The following CNTN5 variants were observed in gnomAD, a reference collection of about 807,000 sequenced individuals.
The protein encoded by CNTN5 is contactin-5.
A neutral mutation model predicts 129.1 loss-of-function variants in CNTN5; 77 were observed. That is an observed-to-expected ratio of 0.60 (90% CI 0.50 to 0.72). CNTN5 has a LOEUF of 0.72. CNTN5 is among the 30% of genes least tolerant of loss of function. The pLI is 0.00. For missense variants in CNTN5, 1,478 were observed against 1,328.8 expected (o/e 1.11, Z -1.75); for synonymous variants, 509 against 465.6 (o/e 1.09, Z -1.20).
At chr11:99,793,408 C>CT (rs754601218) in intron 3 of CNTN5, among the ~76,000 whole-genome samples, 1 of 151,370 alleles carries the variant, frequency 6.6e-6, no homozygotes, top group Admixed American at 6.6e-5. Flanking sequence ...TATTAATCTT[C>CT]TGTATGGTTT....
chr11:100,144,785 T>G (rs1946797815), intron 13 of CNTN5, among the ~76,000 whole-genome samples: 1 of 151,730 alleles, frequency 6.6e-6, no homozygotes, highest in African/African-American at 2.4e-5. Flanking sequence ...TAAGGGAACA[T>G]TATTCTTGTA....
intron 13 of CNTN5, among the ~76,000 whole-genome samples, chr11:100,166,082 G>C (rs927743884): frequency 6.6e-6 from 1 of 151,672 alleles, no homozygotes; most frequent in Non-Finnish European, 1.5e-5. Flanking sequence ...TCTGTTACCA[G>C]AAGCAAATCA....
At chr11:100,084,927 A>G (rs185912011) in intron 13 of CNTN5, among the ~76,000 whole-genome samples, 115 of 152,260 alleles carry the variant, frequency 7.6e-4, no homozygotes, top group African/African-American at 2.4e-3. Context: ...AACCGACAGT[A>G]GACAGATTAA....
chr11:99,632,899 G>GC (rs1203618655), intron 3 of CNTN5, among the ~76,000 whole-genome samples: 1 of 151,762 alleles, frequency 6.6e-6, no homozygotes, highest in East Asian at 1.9e-4. Flanking sequence ...TTCTTGGGGG[G>GC]GTTACAAAAA....
intron 13 of CNTN5, among the ~76,000 whole-genome samples, chr11:100,163,566 A>G (rs1947526823): frequency 1.3e-5 from 2 of 151,838 alleles, no homozygotes; most frequent in Admixed American, 6.6e-5. Flanking sequence ...AACTTCCTAC[A>G]TTATTGCTTT....
intron 1 of CNTN5, among the ~76,000 whole-genome samples, chr11:99,209,739 G>A (rs935033735): frequency 6.6e-6 from 1 of 152,076 alleles, no homozygotes; most frequent in Non-Finnish European, 1.5e-5. Context: ...GACAGTAAAT[G>A]AATAGACAGT....
At chr11:99,922,876 A>T (rs539520271) in intron 7 of CNTN5, among the ~76,000 whole-genome samples, 27 of 152,308 alleles carry the variant, frequency 1.8e-4, no homozygotes, top group African/African-American at 6.5e-4. Flanking sequence ...TGAGTTTTGC[A>T]AGGTTTTAGA....
chr11:99,191,352 G>A (rs1459857385), intron 1 of CNTN5, among the ~76,000 whole-genome samples: 1 of 151,676 alleles, frequency 6.6e-6, no homozygotes, highest in Admixed American at 6.6e-5. Context: ...CTGGTAAAAT[G>A]AGTTTGGAAA....
chr11:100,129,357 T>C lies in CNTN5; in HGVS notation c.1580+55063T>C, dbSNP rs1946301288. Among the ~76,000 whole-genome samples the C allele has an allele frequency of 2.6e-5, 4 of 152,164 alleles. No individual in the cohort carries two copies. The South Asian group carries it at 8.3e-4, about 32-fold the overall frequency. Reference sequence around the variant, plus strand: ...GTAGATTTGTCTTAATCTTGACCAATGGGCCAGTAAACGCCCCAGTCCATA... The same window carrying C: ...GTAGATTTGTCTTAATCTTGACCAACGGGCCAGTAAACGCCCCAGTCCATA... On this transcript the variant is annotated intron_variant, in intron 13 of 24. Transcript: ENST00000524871.
intron 3 of CNTN5, among the ~76,000 whole-genome samples, chr11:99,792,538 G>GGGGTGTGT (rs1005923299): frequency 7.8e-6 from 1 of 127,748 alleles, no homozygotes. Context: ...CCTGAAGAGG[G>GGGGTGTGT]GTGTGTGTGT....
chr11:99,122,524 T>G (rs1205862031), intron 1 of CNTN5, among the ~76,000 whole-genome samples: 1 of 152,022 alleles, frequency 6.6e-6, no homozygotes, highest in Non-Finnish European at 1.5e-5. Context: ...TTTTTTTATA[T>G]AGCAGCAGCA....
intron 2 of CNTN5, among the ~76,000 whole-genome samples, chr11:99,412,595 T>C (rs1371132163): frequency 6.6e-6 from 1 of 152,220 alleles, no homozygotes; most frequent in Non-Finnish European, 1.5e-5. Context: ...TTATTACACA[T>C]AATCTTCACA....
chr11:100,082,509 C>G (rs977315546), intron 13 of CNTN5, among the ~76,000 whole-genome samples: 1 of 152,090 alleles, frequency 6.6e-6, no homozygotes, highest in Non-Finnish European at 1.5e-5. Context: ...CCAAGCTTGT[C>G]TTGAATTCAT....
In CNTN5 at chr11:100,070,133, G is replaced by A. The variant is rs1394740275; in HGVS notation, c.1163-291G>A. Among the ~76,000 whole-genome samples the A allele has an allele frequency of 2.7e-5, 4 of 149,058 alleles. No individual in the cohort carries two copies. The Admixed American group carries it at 2.7e-4, about 10-fold the overall frequency. Reference sequence around the variant, plus strand: ...CTGACTTCCTATTAAACTGGTTCAGGTGCCTTGGGGATAACTAAACCACTT... The same window carrying A: ...CTGACTTCCTATTAAACTGGTTCAGATGCCTTGGGGATAACTAAACCACTT... On this transcript the variant is annotated intron_variant, in intron 10 of 24. Transcript: ENST00000524871.
chr11:99,860,957 T>TA (rs1298313256), intron 6 of CNTN5, among the ~76,000 whole-genome samples: 1 of 133,708 alleles, frequency 7.5e-6, no homozygotes, highest in Non-Finnish European at 1.6e-5. Flanking sequence ...TTCATTTTTT[T>TA]TTTTTTTTTT....
At chr11:100,063,706 T>TAAAAAAAAAAAAAAAAAAAAAAAAAAAA (rs35896237) in intron 10 of CNTN5, among the ~76,000 whole-genome samples, 1 of 115,284 alleles carries the variant, frequency 8.7e-6, no homozygotes. Context: ...AACCTGTCTC[T>TAAAAAAAAAAAAAAAAAAAAAAAAAAAA]AAAAAAAAAA....
At chr11:100,051,431 A>G (rs1248274134) in intron 9 of CNTN5, among the ~76,000 whole-genome samples, 2 of 152,060 alleles carry the variant, frequency 1.3e-5, no homozygotes, top group Admixed American at 6.6e-5. Flanking sequence ...GAAAGTAGAA[A>G]ATATTTTTAA....
chr11:99,758,394 A>G (rs1001104915), intron 3 of CNTN5, among the ~76,000 whole-genome samples: 9 of 152,238 alleles, frequency 5.9e-5, no homozygotes, highest in Admixed American at 2.0e-4. Context: ...AGACTAACGT[A>G]TAACATATAA....
intron 1 of CNTN5, among the ~76,000 whole-genome samples, chr11:99,096,475 A>G (rs1243600567): frequency 2.0e-5 from 3 of 151,868 alleles, no homozygotes; most frequent in Non-Finnish European, 4.4e-5. Flanking sequence ...AGAAACATGC[A>G]GAATATAATA....
Sources: gnomAD v4.1 joint callset for allele counts (sites outside exome capture counted in the v4.1 genomes callset) on GRCh38, gnomAD v4.1.1 for gene constraint, MANE v1.5 for transcripts, NCBI Gene and HGNC (gene_info 2026-07-23, HGNC 2026-07-21) for gene names.